REEP5: variants seen among roughly 807,000 people sequenced by gnomAD.
REEP5 encodes receptor accessory protein 5, also known as receptor expression-enhancing protein 5.
REEP5 carries 24 observed loss-of-function variants against 22.4 expected under a neutral mutation model. The observed-to-expected ratio is 1.07, with a 90% CI of 0.78 to 1.51. The LOEUF is 1.51. Ranked by LOEUF, REEP5 falls within the 40% of genes most tolerant of loss-of-function variation. The probability of loss-of-function intolerance (pLI) is 0.00; values close to 1 mark genes in which losing one functional copy is unlikely to be tolerated. For synonymous variants in REEP5, 103 were observed against 88.6 expected, an observed-to-expected ratio of 1.16 and a Z score of -0.92; for missense variants, 252 against 233.0, an observed-to-expected ratio of 1.08 and a Z score of -0.53.
chr5:112,910,544 A>G lies in REEP5; in HGVS notation c.213-8026T>C, dbSNP rs186470120. 5.9e-5 allele frequency among the ~76,000 whole-genome samples: 9 copies of G among 152,324 alleles called. No individual in the cohort carries two copies. In the East Asian group the frequency reaches 1.3e-3, roughly 23 times the overall value. On this transcript the variant is annotated intron_variant, in intron 2 of 4. Transcript: ENST00000379638. The stretch of plus-strand genomic sequence containing the variant: ...TTTTTAAAACTATTTTATTACCATC[A>G]TGCCATTTTGGTTGTTTTGATCTGG...
intron 4 of REEP5, among the ~76,000 whole-genome samples, chr5:112,881,128 C>CAAA (rs58737941): frequency 0.046 from 3,060 of 66,964 alleles, 450 homozygotes; most frequent in African/African-American, 0.13. Flanking sequence ...GACTCTGTTT[C>CAAA]AAAAAAAAAA....
At chr5:112,920,993 T>A (rs1769343832) in intron 2 of REEP5, among the ~76,000 whole-genome samples, 170 bp downstream of exon 2, 1 of 152,104 alleles carries the variant, frequency 6.6e-6, no homozygotes, top group South Asian at 2.1e-4. Context: ...AGGGATTAAG[T>A]TAAGGTTCCA....
At chr5:112,889,978 C>A (rs1039812287) in intron 3 of REEP5, among the ~76,000 whole-genome samples, 6 of 150,302 alleles carry the variant, frequency 4.0e-5, no homozygotes, top group African/African-American at 1.5e-4. Context: ...AGGCAAACAC[C>A]ACCATGCCCA....
At chr5:112,893,760 G>A (rs1481941477) in intron 3 of REEP5, 1 of 152,360 alleles carries the variant, frequency 6.6e-6, no homozygotes, top group East Asian at 1.9e-4. Context: ...GGTAGACTAA[G>A]ACCTTCTGTT....
intron 2 of REEP5, 111 bp from the exon 3 acceptor site, chr5:112,902,629 G>A: frequency 2.2e-6 from 2 of 928,418 alleles, no homozygotes; most frequent in East Asian, 5.3e-5. Context: ...TTAGGCACAT[G>A]TAGGCACTGT....
At chr5:112,880,888 AGAGGCCGAGGTGGGTGGATCACTT>A (rs1242520351) in intron 4 of REEP5, among the ~76,000 whole-genome samples, 2 of 152,068 alleles carry the variant, frequency 1.3e-5, no homozygotes, top group Non-Finnish European at 2.9e-5. Context: ...CAGCATTTTG[AGAGGCCGAGGTGGGTGGATCACTT>A]GAGGCCAGGA....
chr5:112,894,201 C>T (rs1768604870), intron 3 of REEP5: 1 of 150,544 alleles, frequency 6.6e-6, no homozygotes, highest in Admixed American at 6.7e-5. Context: ...CTCACTGCAA[C>T]CTCCGCCTCC....
intron 4 of REEP5, among the ~76,000 whole-genome samples, chr5:112,884,339 C>G (rs1768165758): frequency 1.3e-5 from 2 of 152,044 alleles, no homozygotes; most frequent in Admixed American, 6.6e-5. Context: ...GTATATGCAG[C>G]TCATTCTAAA....
chr5:112,908,295 G>T (rs1769008532), intron 2 of REEP5, among the ~76,000 whole-genome samples: 1 of 151,792 alleles, frequency 6.6e-6, no homozygotes, highest in Admixed American at 6.6e-5. Context: ...TAGAGACAGG[G>T]TTTCACCATG....
rs753250062 is a variant in REEP5, at chr5:112,891,689, A to C, written c.352-4506T>G. 1.7e-5 allele frequency: 28 copies of C among 1,613,916 alleles called. No homozygotes were observed. The Admixed American group carries it at 4.7e-4, about 27-fold the overall frequency. ...TTTCCCAAGAAGATGACATTTCCAG[A>C]GAAACCAAGCCACAAAAAGTACAGG... is the stretch of plus-strand genomic sequence containing the variant. On this transcript the variant is annotated intron_variant, in intron 3 of 4. Transcript: ENST00000379638.
At chr5:112,892,544 T>A in intron 3 of REEP5, 1 of 1,614,220 alleles carries the variant, frequency 6.2e-7, no homozygotes, top group Non-Finnish European at 8.5e-7. Context: ...GGACGACAGC[T>A]GCAATGTGAA....
intron 4 of REEP5, chr5:112,885,317 TG>T: frequency 5.8e-6 from 1 of 173,386 alleles, no homozygotes; most frequent in Non-Finnish European, 1.3e-5. Flanking sequence ...AAACAGCAAG[TG>T]GTAGATTTAG....
chr5:112,895,237 C>CAAAAAAAAAAAAAAAAAAAAAAAAA (rs10684553), intron 3 of REEP5: 1 of 62,216 alleles, frequency 1.6e-5, no homozygotes, highest in African/African-American at 6.9e-5. Flanking sequence ...GACTCTGTCT[C>CAAAAAAAAAAAAAAAAAAAAAAAAA]AAAAAAAAAA....
At chr5:112,917,557 T>TA (rs1258159544) in intron 2 of REEP5, among the ~76,000 whole-genome samples, 14 of 152,106 alleles carry the variant, frequency 9.2e-5, no homozygotes, top group Non-Finnish European at 1.6e-4. Flanking sequence ...AAATAGAAGA[T>TA]AAAGTCTGAG....
chr5:112,898,074 A>G (rs988773898), intron 3 of REEP5: 2 of 152,306 alleles, frequency 1.3e-5, no homozygotes, highest in South Asian at 4.1e-4. Context: ...ACAAAAAACA[A>G]AACAAACCCA....
intron 2 of REEP5, among the ~76,000 whole-genome samples, chr5:112,919,216 T>C (rs1168178193): frequency 6.6e-6 from 1 of 152,152 alleles, no homozygotes; most frequent in Non-Finnish European, 1.5e-5. Flanking sequence ...ACCCAATGTA[T>C]TAGTATTAAA....
At chr5:112,884,254 C>T (rs920089719) in intron 4 of REEP5, among the ~76,000 whole-genome samples, 1 of 152,182 alleles carries the variant, frequency 6.6e-6, no homozygotes, top group Non-Finnish European at 1.5e-5. Context: ...AGCCTCCATT[C>T]GCAACTTCTT....
intron 3 of REEP5, among the ~76,000 whole-genome samples, chr5:112,901,601 ACTCG>A (rs1768848130): frequency 1.3e-5 from 2 of 152,022 alleles, no homozygotes; most frequent in South Asian, 4.1e-4. Flanking sequence ...AATCCCAGCT[ACTCG>A]GGAGGCTGAG....
At chr5:112,893,740 C>T (rs1768581102) in intron 3 of REEP5, 1 of 152,260 alleles carries the variant, frequency 6.6e-6, no homozygotes, top group Non-Finnish European at 1.5e-5. Context: ...GCCTTCTGCA[C>T]ACACACAATG....
Sources: allele counts gnomAD v4.1 joint callset (sites outside exome capture counted in the v4.1 genomes callset), GRCh38; gene constraint gnomAD v4.1.1; transcripts MANE v1.5; gene names NCBI Gene and HGNC (gene_info 2026-07-23, HGNC 2026-07-21).